Variants in RPS6KB1 observed in about 807,000 individuals in gnomAD.
RPS6KB1 encodes the protein ribosomal protein S6 kinase beta-1.
A neutral mutation model predicts 70.2 loss-of-function variants in RPS6KB1; 12 were observed. The observed-to-expected ratio is 0.17, with a 90% CI of 0.11 to 0.28. The LOEUF (loss-of-function observed/expected upper bound fraction) is 0.28, where lower values mean the gene tolerates loss of function less well. Ranked by LOEUF, RPS6KB1 falls within the 10% of genes least tolerant of loss-of-function variation. RPS6KB1 has a pLI of 1.00. For synonymous variants in RPS6KB1, 175 were observed against 211.2 expected, an observed-to-expected ratio of 0.83 and a Z score of 1.49; for missense variants, 270 against 646.6, an observed-to-expected ratio of 0.42 and a Z score of 6.32.
At chr17:59,902,750 G>T (rs1260767201) in intron 1 of RPS6KB1, among the ~76,000 whole-genome samples, 1 of 151,776 alleles carries the variant, frequency 6.6e-6, no homozygotes, top group Non-Finnish European at 1.5e-5. Context: ...CTAATTTTTT[G>T]ATTTGTTGCA....
intron 4 of RPS6KB1, among the ~76,000 whole-genome samples, chr17:59,921,095 A>T (rs1345869722): frequency 6.6e-6 from 1 of 152,158 alleles, no homozygotes; most frequent in African/African-American, 2.4e-5. Flanking sequence ...TCTTGGGTGA[A>T]GTATGTTTTT....
chr17:59,909,100 A>AT (rs1714092911), intron 1 of RPS6KB1, among the ~76,000 whole-genome samples: 3 of 139,112 alleles, frequency 2.2e-5, no homozygotes, highest in Non-Finnish European at 4.6e-5. Context: ...CTAATTTTGT[A>AT]TTTTTTTAGT....
intron 12 of RPS6KB1, among the ~76,000 whole-genome samples, chr17:59,938,699 T>TTGTG (rs58751297): frequency 0.2 from 26,920 of 137,900 alleles, 2,850 homozygotes; most frequent in South Asian, 0.27. Context: ...AATGTGTAGT[T>TTGTG]TGTGTGTGTG....
chr17:59,923,330 A>G (rs2043392161), intron 4 of RPS6KB1, among the ~76,000 whole-genome samples: 1 of 151,882 alleles, frequency 6.6e-6, no homozygotes, highest in Non-Finnish European at 1.5e-5. Flanking sequence ...TAACGGGAGT[A>G]TAGGTGTGTA....
chr17:59,937,256 A>G (rs562430907), intron 12 of RPS6KB1, among the ~76,000 whole-genome samples: 1 of 152,262 alleles, frequency 6.6e-6, no homozygotes, highest in East Asian at 1.9e-4. Flanking sequence ...TAAGACAAAT[A>G]TTTCAGGTAG....
intron 4 of RPS6KB1, among the ~76,000 whole-genome samples, chr17:59,921,660 G>T (rs1019662805): frequency 2.0e-5 from 3 of 152,118 alleles, no homozygotes; most frequent in Non-Finnish European, 2.9e-5. Context: ...TTATAGGAAT[G>T]GTACCATTCA....
chr17:59,915,130 A>G (rs565582856), intron 4 of RPS6KB1, among the ~76,000 whole-genome samples: 1 of 151,954 alleles, frequency 6.6e-6, no homozygotes, highest in Non-Finnish European at 1.5e-5. Flanking sequence ...CTGGGACTAC[A>G]GGTGCATGCT....
At position 59,948,758 on chromosome 17, in the gene RPS6KB1, T is replaced by G. The variant is rs534362673; in HGVS notation, c.*1970T>G. The G allele has an allele frequency of 6.6e-6, 1 of 152,602 alleles. No homozygotes were observed. Among genetic ancestry groups the G allele is most frequent in the East Asian group, 1.9e-4 (1 of 5,184 alleles). 9.5% of individuals were successfully genotyped at this position (152,602 alleles called of 1,614,324 possible). On this transcript the variant is annotated 3_prime_UTR_variant, in exon 15 of 15. Coordinates refer to ENST00000225577, the MANE Select transcript of RPS6KB1 (RefSeq NM_003161.4). ...GTAAATTAGAAGCTACAATAATAAT[T>G]AAGGGCAGAAATTATACTTAAAAAG...
intron 10 of RPS6KB1, among the ~76,000 whole-genome samples, chr17:59,935,661 G>T (rs2044184322): frequency 6.6e-6 from 1 of 151,808 alleles, no homozygotes; most frequent in African/African-American, 2.4e-5. Context: ...TTTTAGTAGA[G>T]ACAGGGTTTC....
At chr17:59,931,597 T>G (rs1420146227) in intron 6 of RPS6KB1, 25 bp from the exon 7 acceptor site, 2 of 1,567,068 alleles carry the variant, frequency 1.3e-6, no homozygotes, top group South Asian at 2.2e-5. Context: ...TCTTTTTAAT[T>G]TTATTAAATC....
chr17:59,900,226 ACACACC>A (rs1474674802), intron 1 of RPS6KB1, among the ~76,000 whole-genome samples: 9 of 140,032 alleles, frequency 6.4e-5, no homozygotes, highest in African/African-American at 1.9e-4. Flanking sequence ...ACACACACAC[ACACACC>A]CCTATGTGTT....
chr17:59,915,781 T>TTTTATTTA (rs1206891772), intron 4 of RPS6KB1, among the ~76,000 whole-genome samples: 1 of 112,170 alleles, frequency 8.9e-6, no homozygotes, highest in Admixed American at 9.2e-5. Flanking sequence ...CTATCTTTTT[T>TTTTATTTA]TTTTTTTTTT....
chr17:59,902,236 C>G (rs1468776063), intron 1 of RPS6KB1, among the ~76,000 whole-genome samples: 1 of 150,850 alleles, frequency 6.6e-6, no homozygotes, highest in Non-Finnish European at 1.5e-5. Context: ...TCCTGAGTAG[C>G]TGGGACCACA....
At chr17:59,925,948 C>T (rs1371368470) in intron 4 of RPS6KB1, among the ~76,000 whole-genome samples, 2 of 151,976 alleles carry the variant, frequency 1.3e-5, no homozygotes, top group African/African-American at 4.8e-5. Flanking sequence ...GTCCAGGCCA[C>T]ATTTCATTTT....
chr17:59,934,041 G>C lies in RPS6KB1; in HGVS notation c.689-129G>C. On this transcript the variant is annotated intron_variant, in intron 7 of 14. Transcript: ENST00000225577. The surrounding 1 kb of genome is among the most constrained non-coding windows in gnomAD (Gnocchi z 4.8). Reference sequence around the variant, plus strand: ...ATTTTATGGATGGTACCTTGTTCTTGACATCTGCAAGAAAATTTGAGGCAA... The same window carrying C: ...ATTTTATGGATGGTACCTTGTTCTTCACATCTGCAAGAAAATTTGAGGCAA... 1.5e-6 allele frequency: 1 copy of C among 680,678 alleles called. No homozygotes were observed. The highest frequency in any genetic ancestry group is 2.6e-6 in the Non-Finnish European group (1 of 378,450). 42.2% of individuals were successfully genotyped at this position (680,678 alleles called of 1,614,324 possible). A position where few individuals can be genotyped will look rare whatever the true frequency, so the allele number is the denominator to read the frequency against.
intron 1 of RPS6KB1, among the ~76,000 whole-genome samples, chr17:59,909,889 G>C (rs1246388286): frequency 6.6e-6 from 1 of 152,070 alleles, no homozygotes; most frequent in Non-Finnish European, 1.5e-5. Flanking sequence ...GCAGGCACCT[G>C]TAATCCCAGC....
chr17:59,910,801 A>T (rs1327164159), intron 2 of RPS6KB1, among the ~76,000 whole-genome samples, 190 bp downstream of exon 2: 1 of 152,212 alleles, frequency 6.6e-6, no homozygotes, highest in Admixed American at 6.5e-5. Flanking sequence ...GAGATTATGT[A>T]TGGATTTTGA....
chr17:59,939,174 A>G (rs2044432578), intron 12 of RPS6KB1, among the ~76,000 whole-genome samples: 1 of 151,658 alleles, frequency 6.6e-6, no homozygotes, highest in African/African-American at 2.4e-5. Context: ...GAATTGACCA[A>G]TGAACTTTGT....
chr17:59,931,924 A>G (rs2043944609), intron 7 of RPS6KB1, among the ~76,000 whole-genome samples: 1 of 152,208 alleles, frequency 6.6e-6, no homozygotes, highest in Non-Finnish European at 1.5e-5. Context: ...GTTGAGGATA[A>G]TAGTCGCTCA....
Sources: allele counts gnomAD v4.1 joint callset (sites outside exome capture counted in the v4.1 genomes callset), GRCh38; gene constraint gnomAD v4.1.1; non-coding constraint Gnocchi (gnomAD v3.1); transcripts MANE v1.5; gene names NCBI Gene and HGNC (gene_info 2026-07-23, HGNC 2026-07-21).